The following SPATS1 variants were observed in gnomAD, a reference collection of about 807,000 sequenced individuals.
SPATS1 encodes the protein spermatogenesis-associated serine-rich protein 1.
Under a neutral mutation model 33.6 loss-of-function variants are expected in SPATS1, and 23 were observed. The ratio of observed to expected loss-of-function variants is 0.68; its 90% CI spans 0.49 to 0.97. The LOEUF is 0.97. Ranked by LOEUF, SPATS1 falls within the 50% of genes least tolerant of loss-of-function variation. The probability of loss-of-function intolerance (pLI) is 0.00; values close to 1 mark genes in which losing one functional copy is unlikely to be tolerated. For synonymous variants in SPATS1, 131 were observed against 125.6 expected (o/e 1.04, Z -0.29); for missense variants, 327 against 361.0 (o/e 0.91, Z 0.76).
At chr6:44,351,810 C>T (rs60303136) in intron 2 of SPATS1, among the ~76,000 whole-genome samples, 181 of 152,280 alleles carry the variant, frequency 1.2e-3, no homozygotes, top group African/African-American at 4.3e-3. Flanking sequence ...TATTGAGCAC[C>T]TGCTTTGTGC....
intron 2 of SPATS1, among the ~76,000 whole-genome samples, chr6:44,346,648 T>G (rs1193808094): frequency 2.0e-5 from 3 of 152,226 alleles, no homozygotes; most frequent in Non-Finnish European, 4.4e-5. Context: ...CCTCCCGAAG[T>G]GCTGAGATTG....
At position 44,370,090 on chromosome 6, in the gene SPATS1, T is replaced by G; in HGVS notation, c.735T>G (p.Leu245=). The change falls in exon 7 of 9, where the codon CTT becomes CTG. Residue 245 remains leucine, a synonymous_variant. Coordinates refer to ENST00000674044, the MANE Select transcript of SPATS1 (RefSeq NM_001372081.1). ...AGAAATTTGATACATTTATTCCACT[T>G]GAGCCTCTTCCACAAATTCCCAAGT... ...YEKKFDTFIP[L]EPLPQIPNLP... is the part of the protein sequence containing the mutation. 6.2e-7 allele frequency: 1 copy of G among 1,612,538 alleles called. No individual in the cohort carries two copies.
chr6:44,363,088 C>T (rs941468056), intron 5 of SPATS1, among the ~76,000 whole-genome samples: 31 of 151,800 alleles, frequency 2.0e-4, no homozygotes, highest in African/African-American at 7.2e-4. Context: ...TCGCCTGCCT[C>T]GGCCTCCCAA....
Position 44,376,432 on chromosome 6 carries a change from G to A in SPATS1, c.833G>A (p.Trp278Ter). 3.7e-6 allele frequency: 6 copies of A among 1,612,516 alleles called. No individual in the cohort carries two copies. Among genetic ancestry groups the A allele is most frequent in the Non-Finnish European group, 5.1e-6 (6 of 1,179,522 alleles). Reference protein sequence around the residue: ...EIQEVEELDNWQPAVPLMHML... With the variant: ...EIQEVEELDN ...CAAGAGGTTGAGGAGCTTGACAACT[G>A]GCAGCCAGCAGTGCCCTTAATGCAC... Residue 278 changes from tryptophan to a stop codon, truncating the protein, a stop_gained, in exon 8 of 9, where the codon TGG becomes TAG. Transcript: ENST00000674044. LOFTEE classifies it low-confidence loss of function (END_TRUNC).
chr6:44,346,685 G>C (rs975305395), intron 2 of SPATS1, among the ~76,000 whole-genome samples: 2 of 152,112 alleles, frequency 1.3e-5, no homozygotes, highest in Non-Finnish European at 1.5e-5. Context: ...TGTCCAGCCT[G>C]TTTTTAAAAA....
intron 6 of SPATS1, 119 bp from the exon 7 acceptor site, chr6:44,369,932 G>A: frequency 1.8e-6 from 1 of 543,578 alleles, no homozygotes; most frequent in Non-Finnish European, 3.2e-6. Context: ...TTACAGTTTT[G>A]AAGTCAATAC....
intron 5 of SPATS1, among the ~76,000 whole-genome samples, chr6:44,366,937 G>T (rs1246270486): frequency 6.6e-6 from 1 of 152,136 alleles, no homozygotes; most frequent in South Asian, 2.1e-4. Flanking sequence ...TAGCTCAAGG[G>T]CACAGAACTA....
At chr6:44,355,507 G>A (rs9472262) in intron 3 of SPATS1, among the ~76,000 whole-genome samples, 151,084 of 152,332 alleles carry the variant, frequency 0.99, 74,939 homozygotes, top group East Asian at 1. Context: ...CAATGACTGC[G>A]GTGCTTGAGT....
chr6:44,376,518 T>TCCG, intron 8 of SPATS1, 45 bp downstream of exon 8: 2 of 1,397,022 alleles, frequency 1.4e-6, no homozygotes, highest in Non-Finnish European at 2.0e-6. Flanking sequence ...ACTGGAGGAG[T>TCCG]CCGCCGGGTA....
Position 44,361,939 on chromosome 6 carries a change from A to T in SPATS1, c.521A>T (p.Lys174Met). 1.2e-6 allele frequency: 2 copies of T among 1,614,236 alleles called. No homozygotes were observed. The highest frequency in any genetic ancestry group is 1.7e-6 in the Non-Finnish European group (2 of 1,180,036). ...CFFNGVFLGN[K>M]RSLSERTVDK... ...TTTAATGGAGTCTTCCTCGGCAACA[A>T]GAGGTCTCTATCAGAGAGGACGGTG... Residue 174 changes from lysine to methionine, a missense_variant, in exon 5 of 9, where the codon AAG becomes ATG. Coordinates refer to ENST00000674044, the MANE Select transcript of SPATS1 (RefSeq NM_001372081.1).
rs12664179 is a variant in SPATS1 at position 44,379,667 on chromosome 6, T to C, written c.*2604T>C. ...AAGAAAAACAACCAAAATACAGTTT[T>C]AGAAGGTTTGGAGTAGTCTCTAGGT... is the stretch of plus-strand genomic sequence containing the variant. On this transcript the variant is annotated 3_prime_UTR_variant, in exon 9 of 9. Transcript: ENST00000674044. Among the ~76,000 whole-genome samples the C allele has an allele frequency of 3.3e-5, 5 of 149,770 alleles. No individual in the cohort carries two copies. In the East Asian group the frequency reaches 7.8e-4, roughly 23 times the overall value.
At chr6:44,373,684 A>G (rs1789761875) in intron 7 of SPATS1, among the ~76,000 whole-genome samples, 1 of 152,238 alleles carries the variant, frequency 6.6e-6, no homozygotes, top group South Asian at 2.1e-4. Flanking sequence ...CCAGAACCAG[A>G]TAAAGTTGCC....
intron 7 of SPATS1, among the ~76,000 whole-genome samples, chr6:44,374,501 C>T (rs1203210635): frequency 6.6e-6 from 1 of 152,026 alleles, no homozygotes; most frequent in Non-Finnish European, 1.5e-5. Flanking sequence ...TTCTTTTTGC[C>T]CATTCTTTTG....
intron 2 of SPATS1, among the ~76,000 whole-genome samples, chr6:44,346,098 T>C (rs1787863254): frequency 6.6e-6 from 1 of 152,002 alleles, no homozygotes; most frequent in Non-Finnish European, 1.5e-5. Context: ...CTGGGCAACA[T>C]GGTGAGACCC....
At chr6:44,343,641 G>A in intron 2 of SPATS1, 1 of 380,036 alleles carries the variant, frequency 2.6e-6, no homozygotes, top group South Asian at 2.0e-5. Context: ...ATATTAGTAG[G>A]TTTGTGTCAT....
chr6:44,344,033 T>C (rs1220045782), intron 2 of SPATS1, among the ~76,000 whole-genome samples: 1 of 152,138 alleles, frequency 6.6e-6, no homozygotes, highest in African/African-American at 2.4e-5. Flanking sequence ...TAATATAAGC[T>C]AGGACCGTAG....
rs555413235 is a variant in SPATS1, at chr6:44,359,153, G to T, written c.288-1293G>T. Among the ~76,000 whole-genome samples, 11 of 152,036 alleles carry T rather than the reference G, an allele frequency of 7.2e-5. No individual in the cohort carries two copies. The South Asian group carries it at 2.3e-3, about 32-fold the overall frequency. On this transcript the variant is annotated intron_variant, in intron 3 of 8. Coordinates refer to ENST00000674044, the MANE Select transcript of SPATS1 (RefSeq NM_001372081.1). The stretch of plus-strand genomic sequence containing the variant: ...TTAAAAATTTTTTTGTGGAGATGAG[G>T]TCTCACTATTTTGCCCAGGCTGGTC...
intron 2 of SPATS1, among the ~76,000 whole-genome samples, chr6:44,350,864 C>T (rs1788188932): frequency 6.6e-6 from 1 of 152,032 alleles, no homozygotes; most frequent in Non-Finnish European, 1.5e-5. Flanking sequence ...TGGCTTACAC[C>T]TGTAATCCCA....
intron 1 of SPATS1, 91 bp downstream of exon 1, chr6:44,342,859 T>C: frequency 7.8e-7 from 1 of 1,280,306 alleles, no homozygotes; most frequent in Non-Finnish European, 1.1e-6. Flanking sequence ...CACCTTGAGC[T>C]GGATGGGGGC....
Sources: gnomAD v4.1 joint callset for allele counts (sites outside exome capture counted in the v4.1 genomes callset) on GRCh38, gnomAD v4.1.1 for gene constraint, MANE v1.5 for transcripts, NCBI Gene and HGNC (gene_info 2026-07-23, HGNC 2026-07-21) for gene names.